Variants in CSMD1 observed in about 807,000 individuals in gnomAD.
CSMD1 encodes the protein CUB and Sushi multiple domains 1.
CSMD1 carries 213 observed loss-of-function variants against 417.5 expected under a neutral mutation model. The observed-to-expected ratio is 0.51, with a 90% CI of 0.46 to 0.57. The LOEUF is 0.57. Among genes scored for constraint, CSMD1 ranks in the 20% least tolerant of loss-of-function variants. CSMD1 has a pLI of 0.00. For synonymous variants in CSMD1, 2,862 were observed against 1,736.8 expected (o/e 1.65, Z -16.11); for missense variants, 6,923 against 4,529.7 (o/e 1.53, Z -15.17).
At chr8:4,363,100 T>C (rs11778711) in intron 3 of CSMD1, among the ~76,000 whole-genome samples, 33,351 of 151,946 alleles carry the variant, frequency 0.22, 3,794 homozygotes, top group Middle Eastern at 0.29. Context: ...GATCATAATA[T>C]CAGAGACTTC....
chr8:4,237,543 TTTTG>T (rs1381034969), intron 3 of CSMD1, among the ~76,000 whole-genome samples: 7 of 151,852 alleles, frequency 4.6e-5, no homozygotes, highest in African/African-American at 1.7e-4. Flanking sequence ...ACTTTTTTTT[TTTTG>T]TTTTTGAGTT....
chr8:3,142,456 G>C lies in CSMD1; in HGVS notation c.6241+9C>G. On this transcript the variant is annotated intron_variant, in intron 41 of 69. Coordinates refer to ENST00000635120, the MANE Select transcript of CSMD1 (RefSeq NM_033225.6). Reference sequence around the variant, plus strand: ...GATTTGGGTTTCGGTTCTCGTTGTTGTTCCATACCTTGGTAAGCAAGTTTA... The same window carrying C: ...GATTTGGGTTTCGGTTCTCGTTGTTCTTCCATACCTTGGTAAGCAAGTTTA... 1 of 1,609,230 alleles carries C rather than the reference G, an allele frequency of 6.2e-7. No individual in the cohort carries two copies. The highest frequency in any genetic ancestry group is 8.5e-7 in the Non-Finnish European group (1 of 1,176,798).
At chr8:3,853,073 T>A (rs1403582579) in intron 5 of CSMD1, among the ~76,000 whole-genome samples, 1 of 152,082 alleles carries the variant, frequency 6.6e-6, no homozygotes, top group Non-Finnish European at 1.5e-5. Context: ...CGTCACTCCA[T>A]CCAATGCCTG....
At chr8:4,814,693 C>T (rs1002955370) in intron 1 of CSMD1, among the ~76,000 whole-genome samples, 2 of 152,134 alleles carry the variant, frequency 1.3e-5, no homozygotes, top group East Asian at 1.9e-4. Flanking sequence ...CAGCAAATCC[C>T]AGCTCATGCA....
At chr8:4,834,160 C>G (rs1049573234) in intron 1 of CSMD1, among the ~76,000 whole-genome samples, 3 of 152,064 alleles carry the variant, frequency 2.0e-5, no homozygotes, top group African/African-American at 4.8e-5. Flanking sequence ...ACAGATAAAA[C>G]AAGGATGTGT....
chr8:2,943,528 T>A (rs904313635), intron 68 of CSMD1, among the ~76,000 whole-genome samples: 1 of 152,150 alleles, frequency 6.6e-6, no homozygotes, highest in Non-Finnish European at 1.5e-5. Context: ...ACACCTGACC[T>A]AAAATATACC....
intron 10 of CSMD1, among the ~76,000 whole-genome samples, chr8:3,501,756 A>C (rs904041258): frequency 2.0e-5 from 3 of 152,252 alleles, no homozygotes; most frequent in Non-Finnish European, 4.4e-5. Flanking sequence ...AAGAACGATT[A>C]CACATTTTAA....
chr8:4,857,754 A>C (rs1801887857), intron 1 of CSMD1, among the ~76,000 whole-genome samples: 1 of 152,098 alleles, frequency 6.6e-6, no homozygotes, highest in Non-Finnish European at 1.5e-5. Context: ...ACAGGATCTG[A>C]AATTGTGGCA....
At chr8:4,272,116 T>G (rs1423568792) in intron 3 of CSMD1, among the ~76,000 whole-genome samples, 1 of 152,112 alleles carries the variant, frequency 6.6e-6, no homozygotes, top group Non-Finnish European at 1.5e-5. Context: ...GTCAGGGGTG[T>G]GTGTGTGTGG....
chr8:4,249,847 C>A (rs113768125), intron 3 of CSMD1, among the ~76,000 whole-genome samples: 1 of 152,156 alleles, frequency 6.6e-6, no homozygotes, highest in Non-Finnish European at 1.5e-5. Context: ...GAATGTGTCC[C>A]CTGACCCCCG....
intron 1 of CSMD1, among the ~76,000 whole-genome samples, chr8:4,914,358 C>G (rs1206755623): frequency 6.6e-6 from 1 of 151,976 alleles, no homozygotes; most frequent in Non-Finnish European, 1.5e-5. Flanking sequence ...AGGCAGATCA[C>G]GAGGTCAGGA....
intron 1 of CSMD1, among the ~76,000 whole-genome samples, chr8:4,822,657 T>C (rs1174933707): frequency 6.6e-6 from 1 of 152,256 alleles, no homozygotes; most frequent in South Asian, 2.1e-4. Context: ...AGATACTTTG[T>C]TCACAGTATT....
At chr8:3,711,757 A>C (rs4355798) in intron 6 of CSMD1, among the ~76,000 whole-genome samples, 1 of 152,148 alleles carries the variant, frequency 6.6e-6, no homozygotes, top group South Asian at 2.1e-4. Flanking sequence ...CACCCCCACT[A>C]TCTTGTGCTG....
intron 7 of CSMD1, among the ~76,000 whole-genome samples, chr8:3,644,196 C>T (rs542209451): frequency 1.6e-4 from 24 of 152,262 alleles, no homozygotes; most frequent in African/African-American, 5.3e-4. Context: ...ACTCTAGGGG[C>T]GGGGCTCAGA....
At chr8:3,985,526 G>C (rs186684756) in intron 5 of CSMD1, among the ~76,000 whole-genome samples, 1 of 152,082 alleles carries the variant, frequency 6.6e-6, no homozygotes, top group Admixed American at 6.5e-5. Context: ...CAGATACAAC[G>C]AACACATCAT....
intron 2 of CSMD1, among the ~76,000 whole-genome samples, chr8:4,455,530 C>T (rs1348455680): frequency 1.3e-5 from 2 of 152,112 alleles, no homozygotes; most frequent in Non-Finnish European, 2.9e-5. Context: ...ACCAGAAACA[C>T]ATCATGGGCC....
chr8:3,559,937 G>C (rs1051675308), intron 10 of CSMD1, among the ~76,000 whole-genome samples: 1 of 152,162 alleles, frequency 6.6e-6, no homozygotes, highest in Non-Finnish European at 1.5e-5. Flanking sequence ...TGCTCAGCTG[G>C]AGGTGACAGA....
At chr8:4,068,278 G>C (rs1183947629) in intron 3 of CSMD1, among the ~76,000 whole-genome samples, 3 of 152,228 alleles carry the variant, frequency 2.0e-5, no homozygotes, top group Non-Finnish European at 2.9e-5. Context: ...GAGTTGAGAA[G>C]TCTACTTTGT....
chr8:4,531,482 A>T (rs1001759040), intron 2 of CSMD1, among the ~76,000 whole-genome samples: 10 of 152,110 alleles, frequency 6.6e-5, no homozygotes, highest in Non-Finnish European at 1.2e-4. Flanking sequence ...TGTTTTTGTC[A>T]TCCCTATAAT....
Sources: gnomAD v4.1 joint callset for allele counts (sites outside exome capture counted in the v4.1 genomes callset) on GRCh38, gnomAD v4.1.1 for gene constraint, MANE v1.5 for transcripts, NCBI Gene and HGNC (gene_info 2026-07-23, HGNC 2026-07-21) for gene names.